CGGBP1: variants seen among roughly 807,000 people sequenced by gnomAD.
The protein encoded by CGGBP1 is CGG triplet repeat-binding protein 1.
A neutral mutation model predicts 11.4 loss-of-function variants in CGGBP1; 4 were observed. That is an observed-to-expected ratio of 0.35 (90% CI 0.17 to 0.80). The LOEUF (loss-of-function observed/expected upper bound fraction) is 0.80. Ranked by LOEUF, CGGBP1 falls within the 30% of genes least tolerant of loss-of-function variation. The probability of loss-of-function intolerance (pLI) is 0.52; values close to 1 mark genes in which losing one functional copy is unlikely to be tolerated. For synonymous variants in CGGBP1, 76 were observed against 74.1 expected (o/e 1.03, Z -0.13); for missense variants, 135 against 202.1 (o/e 0.67, Z 2.01).
chr3:88,067,275 G>A (rs1413516951), intron 2 of CGGBP1, among the ~76,000 whole-genome samples: 2 of 152,126 alleles, frequency 1.3e-5, no homozygotes, highest in Admixed American at 6.5e-5. Context: ...TGGATACCTG[G>A]GCAAGTTCTG....
intron 2 of CGGBP1, among the ~76,000 whole-genome samples, chr3:88,109,646 T>C (rs1704969962): frequency 6.6e-6 from 1 of 152,180 alleles, no homozygotes; most frequent in Admixed American, 6.5e-5. Context: ...TAAGTAGACC[T>C]GCACAGTTTA....
At chr3:88,119,035 G>A (rs542326512) in intron 2 of CGGBP1, among the ~76,000 whole-genome samples, 32 of 149,334 alleles carry the variant, frequency 2.1e-4, no homozygotes, top group African/African-American at 6.0e-4. Context: ...CCATTACTGG[G>A]TATATACCCA....
chr3:88,079,400 T>G (rs1204193882), intron 2 of CGGBP1, among the ~76,000 whole-genome samples: 2 of 152,128 alleles, frequency 1.3e-5, no homozygotes, highest in Non-Finnish European at 2.9e-5. Context: ...AAGATGTATG[T>G]GATAGCTGCC....
At chr3:88,065,396 T>C (rs997664887) in intron 2 of CGGBP1, among the ~76,000 whole-genome samples, 17 of 152,264 alleles carry the variant, frequency 1.1e-4, no homozygotes, top group African/African-American at 3.4e-4. Context: ...CCTAAATGAC[T>C]ATTATTAGGG....
intron 2 of CGGBP1, among the ~76,000 whole-genome samples, chr3:88,105,239 T>G (rs1292242693): frequency 6.6e-6 from 1 of 152,076 alleles, no homozygotes; most frequent in Admixed American, 6.6e-5. Context: ...AAATAACATA[T>G]CCATGCCCTT....
At chr3:88,133,617 T>A (rs1706594510) in intron 2 of CGGBP1, among the ~76,000 whole-genome samples, 1 of 152,096 alleles carries the variant, frequency 6.6e-6, no homozygotes, top group Admixed American at 6.6e-5. Flanking sequence ...AAAGTGAGAA[T>A]AAATGAAGCA....
intron 2 of CGGBP1, among the ~76,000 whole-genome samples, chr3:88,094,416 T>C (rs1703934442): frequency 6.6e-6 from 1 of 152,124 alleles, no homozygotes; most frequent in East Asian, 1.9e-4. Context: ...GATTACTAAT[T>C]GGTATATTTC....
At chr3:88,126,114 A>T (rs1706085824) in intron 2 of CGGBP1, 2 of 1,461,146 alleles carry the variant, frequency 1.4e-6, no homozygotes, top group African/African-American at 2.8e-5. Context: ...CACAGAGCCA[A>T]AATGATTTTT....
chr3:88,085,438 C>T (rs1220745136), intron 2 of CGGBP1, among the ~76,000 whole-genome samples: 1 of 151,910 alleles, frequency 6.6e-6, no homozygotes, highest in Non-Finnish European at 1.5e-5. Flanking sequence ...TTTTTTCCAA[C>T]CACTTAAAAA....
At chr3:88,114,910 C>G (rs1222914123) in intron 2 of CGGBP1, among the ~76,000 whole-genome samples, 1 of 152,182 alleles carries the variant, frequency 6.6e-6, no homozygotes, top group African/African-American at 2.4e-5. Context: ...TGATAAGTGA[C>G]TAATTCAGTG....
intron 2 of CGGBP1, among the ~76,000 whole-genome samples, chr3:88,106,260 CT>C (rs1704730806): frequency 2.0e-5 from 3 of 152,128 alleles, no homozygotes; most frequent in Admixed American, 6.5e-5. Flanking sequence ...ATTAGTTGGA[CT>C]TTTTCTTTTC....
chr3:88,119,421 T>C (rs1164438829), intron 2 of CGGBP1, among the ~76,000 whole-genome samples: 2 of 129,890 alleles, frequency 1.5e-5, no homozygotes, highest in Non-Finnish European at 3.2e-5. Flanking sequence ...AGGGATAGCA[T>C]TGGGAGATAT....
chr3:88,139,988 C>A (rs750447030), intron 2 of CGGBP1: 3 of 1,613,640 alleles, frequency 1.9e-6, no homozygotes, highest in Non-Finnish European at 2.5e-6. Flanking sequence ...TACATCCAAC[C>A]GATTTAAATG....
chr3:88,084,683 GT>G (rs1473908072), intron 2 of CGGBP1, among the ~76,000 whole-genome samples: 2 of 152,184 alleles, frequency 1.3e-5, no homozygotes, highest in Non-Finnish European at 2.9e-5. Flanking sequence ...TTTTATCCAA[GT>G]TTGCCTGCCA....
At position 88,058,202 on chromosome 3, in the gene CGGBP1, G is replaced by A. The variant is rs1396641006; in HGVS notation, c.-309C>T. Reference sequence around the variant, plus strand: ...GGGCTTGCACCCGATTTTCCCTGTGGTGCCAGGAAGTCATGCCTTTACTGT... The same window carrying A: ...GGGCTTGCACCCGATTTTCCCTGTGATGCCAGGAAGTCATGCCTTTACTGT... On this transcript the variant is annotated 5_prime_UTR_variant, in exon 2 of 4. Coordinates refer to ENST00000482016, the MANE Select transcript of CGGBP1 (RefSeq NM_001008390.2). 4.6e-5 allele frequency: 7 copies of A among 152,242 alleles called. No individual in the cohort carries two copies. In the East Asian group the frequency reaches 5.8e-4, roughly 13 times the overall value. 9.4% of individuals were successfully genotyped at this position (152,242 alleles called of 1,614,324 possible).
At chr3:88,093,550 A>G (rs1703874130) in intron 2 of CGGBP1, among the ~76,000 whole-genome samples, 1 of 152,178 alleles carries the variant, frequency 6.6e-6, no homozygotes, top group Non-Finnish European at 1.5e-5. Flanking sequence ...CAAGCTGTCT[A>G]AGAGAAAAGA....
intron 2 of CGGBP1, among the ~76,000 whole-genome samples, chr3:88,093,248 C>T (rs1292623167): frequency 6.6e-6 from 1 of 152,148 alleles, no homozygotes; most frequent in Non-Finnish European, 1.5e-5. Context: ...AGTTAAGTTT[C>T]ACAGGTGAAA....
upstream of CGGBP1, chr3:88,059,652 T>C: frequency 1.5e-5 from 11 of 716,314 alleles, no homozygotes; most frequent in East Asian, 1.7e-4. Flanking sequence ...CTCCTCCACT[T>C]ATCCGGCTTG....
intron 2 of CGGBP1, among the ~76,000 whole-genome samples, chr3:88,102,821 T>TTTTC (rs1327326285): frequency 6.7e-6 from 1 of 149,374 alleles, no homozygotes; most frequent in African/African-American, 2.5e-5. Flanking sequence ...TACTGTCTTT[T>TTTTC]TTTTTTTTTT....
Sources: gnomAD v4.1 joint callset for allele counts (sites outside exome capture counted in the v4.1 genomes callset) on GRCh38, gnomAD v4.1.1 for gene constraint, MANE v1.5 for transcripts, NCBI Gene and HGNC (gene_info 2026-07-23, HGNC 2026-07-21) for gene names.